Variants in VPS13D observed in about 807,000 individuals in gnomAD.
VPS13D encodes vacuolar protein sorting 13 homolog D.
A neutral mutation model predicts 461.9 loss-of-function variants in VPS13D; 187 were observed. That is an observed-to-expected ratio of 0.40 (90% CI 0.36 to 0.46). VPS13D has a LOEUF of 0.46. VPS13D is among the 20% of genes least tolerant of loss of function. The probability of loss-of-function intolerance (pLI) is 0.60; values close to 1 mark genes in which losing one functional copy is unlikely to be tolerated. For missense variants in VPS13D, 4,711 were observed against 5,364.9 expected, an observed-to-expected ratio of 0.88 and a Z score of 3.81; for synonymous variants, 1,951 against 1,986.3, an observed-to-expected ratio of 0.98 and a Z score of 0.47.
At chr1:12,477,469 C>T (rs1306016656) in intron 67 of VPS13D, among the ~76,000 whole-genome samples, 1 of 152,188 alleles carries the variant, frequency 6.6e-6, no homozygotes, top group Non-Finnish European at 1.5e-5. Flanking sequence ...GATGACCTGC[C>T]TTTCCAGCCC....
chr1:12,433,328 C>G (rs1570161713), intron 65 of VPS13D, among the ~76,000 whole-genome samples: 2 of 152,130 alleles, frequency 1.3e-5, no homozygotes, highest in East Asian at 3.8e-4. Flanking sequence ...GAGTCCCAAC[C>G]CTTCTTCAGG....
Position 12,400,294 on chromosome 1 carries a change from G to T in VPS13D, c.11748G>T (p.Lys3916Asn). Residue 3916 changes from lysine (K) to asparagine (N), a missense_variant, in exon 61 of 70, where the codon AAG becomes AAT. Transcript: ENST00000620676. The stretch of plus-strand genomic sequence containing the variant: ...CAGCTGTGCAAGTCAACGCAGTGAA[G>T]TTCCCCAGTAAGAGTGCACTGACCA... ...TGPAVQVNAV[K>N]FPSKSALTNI... 1 of 1,614,154 alleles carries T rather than the reference G, an allele frequency of 6.2e-7. No individual in the cohort carries two copies. The highest frequency in any genetic ancestry group is 2.2e-5 in the East Asian group (1 of 44,878).
chr1:12,272,845 G>A (rs992957002), intron 17 of VPS13D, among the ~76,000 whole-genome samples, 158 bp from the exon 18 acceptor site: 1 of 152,070 alleles, frequency 6.6e-6, no homozygotes, highest in African/African-American at 2.4e-5. Flanking sequence ...AGATCCTCAA[G>A]CATTTACATC....
intron 22 of VPS13D, among the ~76,000 whole-genome samples, chr1:12,289,365 G>A (rs1642060507): frequency 6.6e-6 from 1 of 152,106 alleles, no homozygotes; most frequent in Non-Finnish European, 1.5e-5. Context: ...TTACAGGCGT[G>A]AGCCACCGTA....
chr1:12,404,325 A>C (rs946546662), intron 63 of VPS13D, among the ~76,000 whole-genome samples: 1 of 152,158 alleles, frequency 6.6e-6, no homozygotes, highest in African/African-American at 2.4e-5. Flanking sequence ...TGTGTCCAGG[A>C]TCAAGAGAAA....
intron 65 of VPS13D, among the ~76,000 whole-genome samples, chr1:12,429,610 G>A (rs1557433403): frequency 6.6e-6 from 1 of 152,230 alleles, no homozygotes; most frequent in Non-Finnish European, 1.5e-5. Context: ...CTTTTTAAAA[G>A]TTTATTTACA....
At chr1:12,411,803 C>T (rs925193207) in intron 63 of VPS13D, among the ~76,000 whole-genome samples, 5 of 152,164 alleles carry the variant, frequency 3.3e-5, no homozygotes, top group African/African-American at 9.7e-5. Flanking sequence ...TCATGTCCAG[C>T]GGATTGGTGC....
rs1425058427 is a variant in VPS13D at position 12,363,119 on chromosome 1, T to C, written c.10320T>C (p.Ser3440=). The C allele has an allele frequency of 4.3e-6, 7 of 1,614,108 alleles. No homozygotes were observed. Among genetic ancestry groups the C allele is most frequent in the East Asian group, 2.2e-5 (1 of 44,900 alleles). ...EGYISTLPGS[S]VVFHWPRNDY... is the part of the protein sequence containing the mutation. ...ACATTTCCACCCTTCCTGGTTCCAGTGTGGTGTTCCACTGGCCTCGGAATG... is the reference window on the plus strand; with the variant it reads ...ACATTTCCACCCTTCCTGGTTCCAGCGTGGTGTTCCACTGGCCTCGGAATG... The change falls in exon 52 of 70, where the codon AGT becomes AGC. Residue 3440 remains serine (S), a synonymous_variant. Transcript: ENST00000620676.
At chr1:12,260,882 C>T (rs1349361532) in intron 11 of VPS13D, 66 bp from the exon 12 acceptor site, 4 of 1,611,084 alleles carry the variant, frequency 2.5e-6, no homozygotes, top group African/African-American at 2.7e-5. Context: ...TGTGGGGAAA[C>T]AGCAGCATAT....
chr1:12,412,486 A>C (rs964349136), intron 63 of VPS13D, among the ~76,000 whole-genome samples: 1 of 152,250 alleles, frequency 6.6e-6, no homozygotes, highest in Non-Finnish European at 1.5e-5. Flanking sequence ...GAGAGAATCC[A>C]GAAATGGATG....
intron 65 of VPS13D, among the ~76,000 whole-genome samples, chr1:12,420,838 T>C (rs1570138410): frequency 6.6e-6 from 1 of 152,312 alleles, no homozygotes; most frequent in East Asian, 1.9e-4. Context: ...GCAAAAGAGA[T>C]GAAGTATATG....
At chr1:12,409,839 C>T (rs764449546) in intron 63 of VPS13D, 5 of 455,446 alleles carry the variant, frequency 1.1e-5, no homozygotes, top group South Asian at 7.8e-5. Context: ...GGAAAGCTAC[C>T]AAAACAGCCA....
intron 60 of VPS13D, among the ~76,000 whole-genome samples, chr1:12,395,996 G>GATATATATATAT (rs58476786): frequency 0.02 from 1,454 of 73,612 alleles, 54 homozygotes; most frequent in Non-Finnish European, 0.025. Context: ...ACTAATAGGA[G>GATATATATATAT]ATATATATAT....
At chr1:12,273,632 A>C (rs1641519371) in intron 18 of VPS13D, among the ~76,000 whole-genome samples, 1 of 152,192 alleles carries the variant, frequency 6.6e-6, no homozygotes, top group Non-Finnish European at 1.5e-5. Context: ...TGAACATTTC[A>C]TATGATGGAA....
chr1:12,443,760 A>C (rs1645157421), intron 65 of VPS13D, among the ~76,000 whole-genome samples: 1 of 150,920 alleles, frequency 6.6e-6, no homozygotes, highest in Admixed American at 6.6e-5. Flanking sequence ...TTCTTTGCCT[A>C]TCCATACCTC....
At chr1:12,462,460 A>G (rs1350944596) in intron 67 of VPS13D, among the ~76,000 whole-genome samples, 2 of 152,242 alleles carry the variant, frequency 1.3e-5, no homozygotes, top group African/African-American at 4.8e-5. Flanking sequence ...TTGTGCCTCC[A>G]CGTGTGGAAT....
Position 12,309,109 on chromosome 1 carries a change from T to A in VPS13D, c.6650+468T>A, listed in dbSNP as rs541525490. Among the ~76,000 whole-genome samples, 6 of 152,332 alleles carry A rather than the reference T, an allele frequency of 3.9e-5. No homozygotes were observed. In the South Asian group the frequency reaches 1.2e-3, roughly 32 times the overall value. On this transcript the variant is annotated intron_variant, in intron 27 of 69. Coordinates refer to ENST00000620676, the MANE Select transcript of VPS13D (RefSeq NM_015378.4). ...GTGCTGAACATGAGGGCTACTGTGA[T>A]GAAAGAGAAAACTAATTCCTTTGAA...
chr1:12,365,092 G>C (rs1164313596), intron 52 of VPS13D, among the ~76,000 whole-genome samples: 1 of 151,978 alleles, frequency 6.6e-6, no homozygotes, highest in African/African-American at 2.4e-5. Context: ...TTTATTTCTG[G>C]GCACTCTAAT....
At chr1:12,351,716 C>T (rs544048830) in intron 46 of VPS13D, among the ~76,000 whole-genome samples, 12 of 151,028 alleles carry the variant, frequency 7.9e-5, no homozygotes, top group South Asian at 2.1e-4. Flanking sequence ...CTCAGCCTCC[C>T]GAGTAGCTGG....
Sources: allele counts gnomAD v4.1 joint callset (sites outside exome capture counted in the v4.1 genomes callset), GRCh38; gene constraint gnomAD v4.1.1; transcripts MANE v1.5; gene names NCBI Gene and HGNC (gene_info 2026-07-23, HGNC 2026-07-21).